The following COX7B2 variants were observed in gnomAD, a reference collection of about 807,000 sequenced individuals.
COX7B2 encodes the protein cytochrome c oxidase subunit 7B2, also known as cytochrome c oxidase subunit 7B2, mitochondrial.
For missense variants in COX7B2, 109 were observed against 95.9 expected, an observed-to-expected ratio of 1.14 and a Z score of -0.57; for synonymous variants, 37 against 32.1, an observed-to-expected ratio of 1.15 and a Z score of -0.51.
intron 1 of COX7B2, among the ~76,000 whole-genome samples, chr4:46,892,321 T>C (rs1719474918): frequency 1.3e-5 from 2 of 152,164 alleles, no homozygotes; most frequent in Admixed American, 6.5e-5. Context: ...ACATGTCACA[T>C]GAGTTATTAT....
chr4:46,903,579 C>G (rs1331081497), intron 1 of COX7B2, among the ~76,000 whole-genome samples: 1 of 152,080 alleles, frequency 6.6e-6, no homozygotes, highest in Non-Finnish European at 1.5e-5. Context: ...ACTGCCTCAC[C>G]CAGAACAACT....
At chr4:46,868,580 A>G (rs1271056717) in intron 1 of COX7B2, among the ~76,000 whole-genome samples, 1 of 152,124 alleles carries the variant, frequency 6.6e-6, no homozygotes, top group Non-Finnish European at 1.5e-5. Flanking sequence ...CTTTGTTCTC[A>G]TTAGTTTCAA....
At chr4:46,830,454 A>C (rs982526055) in intron 2 of COX7B2, among the ~76,000 whole-genome samples, 3 of 152,204 alleles carry the variant, frequency 2.0e-5, no homozygotes, top group African/African-American at 4.8e-5. Context: ...AAAAGTTAAA[A>C]TGACTATTTT....
Position 46,735,038 on chromosome 4 carries a change from G to GC in COX7B2, c.154dup (p.Ala52GlyfsTer58). The GC allele has an allele frequency of 6.2e-7, 1 of 1,614,010 alleles. No homozygotes were observed. The highest frequency in any genetic ancestry group is 8.5e-7 in the Non-Finnish European group (1 of 1,179,964). Reference sequence around the variant, plus strand: ...CTGAGTGGCTGTAAACACCCATGTAGCAACACAGAAAGCAGTTCCACTGGC... The same window carrying GC: ...CTGAGTGGCTGTAAACACCCATGTAGCCAACACAGAAAGCAGTTCCACTGGC... On this transcript the variant is annotated frameshift_variant, in exon 3 of 3. Transcript: ENST00000355591. LOFTEE classifies it low-confidence loss of function (END_TRUNC).
chr4:46,892,340 A>C (rs1204260309), intron 1 of COX7B2, among the ~76,000 whole-genome samples: 1 of 152,238 alleles, frequency 6.6e-6, no homozygotes, highest in Non-Finnish European at 1.5e-5. Flanking sequence ...ATATGTAGAC[A>C]GTATAGACAG....
At chr4:46,782,408 CCTAG>C (rs1717515389) in intron 2 of COX7B2, among the ~76,000 whole-genome samples, 1 of 35,044 alleles carries the variant, frequency 2.9e-5, no homozygotes, top group Admixed American at 2.9e-4. Flanking sequence ...AACTTTTGTG[CCTAG>C]CTAAAGGATT....
chr4:46,801,211 A>G (rs1718638015), intron 2 of COX7B2, among the ~76,000 whole-genome samples: 1 of 152,146 alleles, frequency 6.6e-6, no homozygotes, highest in Non-Finnish European at 1.5e-5. Context: ...ACTACCATTT[A>G]ACCCAGTGAT....
chr4:46,851,406 C>T (rs952323606), intron 1 of COX7B2, among the ~76,000 whole-genome samples: 2 of 151,964 alleles, frequency 1.3e-5, no homozygotes, highest in Non-Finnish European at 2.9e-5. Context: ...GCATTTTAAA[C>T]ATTTTATTTT....
rs376185012 is a variant in COX7B2 at position 46,804,969 on chromosome 4, C to T, written c.-50+39991G>A. Among the ~76,000 whole-genome samples the T allele has an allele frequency of 1.3e-4, 20 of 152,308 alleles. No homozygotes were observed. The East Asian group carries it at 2.9e-3, about 22-fold the overall frequency. On this transcript the variant is annotated intron_variant, in intron 2 of 2. Coordinates refer to ENST00000355591, the MANE Select transcript of COX7B2 (RefSeq NM_130902.3). ...CTCAGGCATGGTGGGCTGCGGGTCC[C>T]GAGCCCTGCCGCATGGGAGGCAGCT...
At position 46,734,917 on chromosome 4, in the gene COX7B2, A is replaced by G. The variant is rs1276024452; in HGVS notation, c.*30T>C. 6.2e-7 allele frequency: 1 copy of G among 1,613,508 alleles called. No homozygotes were observed. The highest frequency in any genetic ancestry group is 1.3e-5 in the African/African-American group (1 of 75,022). ...CTTACATGACAAGTTGGTTTTTTAA[A>G]CAATTCTGTCATTACAGCAACTGTG... On this transcript the variant is annotated 3_prime_UTR_variant, in exon 3 of 3. Transcript: ENST00000355591.
At chr4:46,763,902 A>C (rs1174609180) in intron 2 of COX7B2, among the ~76,000 whole-genome samples, 1 of 152,208 alleles carries the variant, frequency 6.6e-6, no homozygotes, top group Non-Finnish European at 1.5e-5. Context: ...TTAAGCTAAT[A>C]CTTGAACTTG....
intron 2 of COX7B2, among the ~76,000 whole-genome samples, chr4:46,785,516 G>A (rs1437578302): frequency 6.6e-6 from 1 of 151,968 alleles, no homozygotes; most frequent in Non-Finnish European, 1.5e-5. Context: ...GGGACTACAG[G>A]CACCCGCCAC....
Position 46,823,710 on chromosome 4 carries a change from G to T in COX7B2, c.-50+21250C>A, listed in dbSNP as rs112677212. On this transcript the variant is annotated intron_variant, in intron 2 of 2. Coordinates refer to ENST00000355591, the MANE Select transcript of COX7B2 (RefSeq NM_130902.3). ...CTTACAAAAATTGAAAAAAATGGTA[G>T]CAAACTAAATACAAAGCCAAAATAA... is the stretch of plus-strand genomic sequence containing the variant. 9.2e-5 allele frequency among the ~76,000 whole-genome samples: 14 copies of T among 151,472 alleles called. 2 individuals carry two copies. The highest frequency in any genetic ancestry group is 3.4e-4 in the African/African-American group (14 of 41,396).
chr4:46,884,666 T>C (rs1254644493), intron 1 of COX7B2, among the ~76,000 whole-genome samples: 1 of 152,172 alleles, frequency 6.6e-6, no homozygotes, highest in Admixed American at 6.5e-5. Context: ...TGCCCATTCA[T>C]CCCTTTTTAT....
At chr4:46,779,507 C>A (rs955642229) in intron 2 of COX7B2, among the ~76,000 whole-genome samples, 5 of 152,104 alleles carry the variant, frequency 3.3e-5, no homozygotes, top group Admixed American at 1.3e-4. Context: ...AATATCTTTT[C>A]AAAATGGTGG....
intron 2 of COX7B2, among the ~76,000 whole-genome samples, chr4:46,834,766 T>G (rs1486784140): frequency 6.6e-6 from 1 of 151,930 alleles, no homozygotes; most frequent in African/African-American, 2.4e-5. Context: ...TGGAAATATT[T>G]TAAAATAATC....
intron 2 of COX7B2, among the ~76,000 whole-genome samples, chr4:46,778,465 C>T (rs1717275336): frequency 6.6e-6 from 1 of 152,060 alleles, no homozygotes; most frequent in African/African-American, 2.4e-5. Flanking sequence ...TGCAGGGTTT[C>T]AGTTTCATTA....
At chr4:46,774,200 A>G (rs59542749) in intron 2 of COX7B2, among the ~76,000 whole-genome samples, 1 of 152,088 alleles carries the variant, frequency 6.6e-6, no homozygotes, top group Non-Finnish European at 1.5e-5. Context: ...GCAAGTGTTT[A>G]TCTTAAAACA....
chr4:46,763,224 CAT>C (rs1560363404), intron 2 of COX7B2, among the ~76,000 whole-genome samples: 1 of 133,450 alleles, frequency 7.5e-6, no homozygotes, highest in Non-Finnish European at 1.5e-5. Context: ...AATATATATT[CAT>C]ATATATTATA....
Sources: gnomAD v4.1 joint callset for allele counts (sites outside exome capture counted in the v4.1 genomes callset) on GRCh38, gnomAD v4.1.1 for gene constraint, MANE v1.5 for transcripts, NCBI Gene and HGNC (gene_info 2026-07-23, HGNC 2026-07-21) for gene names.